EEA1: variants seen among roughly 807,000 people sequenced by gnomAD.
EEA1 encodes the protein early endosome antigen 1, 162kD.
EEA1 carries 111 observed loss-of-function variants against 209.2 expected under a neutral mutation model. The observed-to-expected ratio is 0.53, with a 90% CI of 0.45 to 0.62. The LOEUF (loss-of-function observed/expected upper bound fraction) is 0.62. Ranked by LOEUF, EEA1 falls within the 20% of genes least tolerant of loss-of-function variation. The probability of loss-of-function intolerance (pLI) is 0.00; values close to 1 mark genes in which losing one functional copy is unlikely to be tolerated. For missense variants in EEA1, 1,343 were observed against 1,530.8 expected (o/e 0.88, Z 2.05); for synonymous variants, 536 against 540.6 (o/e 0.99, Z 0.12).
chr12:92,813,776 A>G (rs1378828207), intron 15 of EEA1, among the ~76,000 whole-genome samples: 1 of 152,194 alleles, frequency 6.6e-6, no homozygotes, highest in East Asian at 1.9e-4. Flanking sequence ...GCACTTTGGG[A>G]GGCCAAGGCA....
chr12:92,884,179 G>A, intron 2 of EEA1: 3 of 1,384,296 alleles, frequency 2.2e-6, no homozygotes, highest in Non-Finnish European at 3.0e-6. Flanking sequence ...CTCAAATCAT[G>A]ACTCACTGAG....
chr12:92,801,245 A>AT (rs1288701495), intron 20 of EEA1, among the ~76,000 whole-genome samples: 4 of 151,436 alleles, frequency 2.6e-5, no homozygotes, highest in East Asian at 1.9e-4. Context: ...GCCTTTTAAG[A>AT]TTTTTTTTTC....
At chr12:92,785,487 T>A (rs1874091506) in intron 22 of EEA1, among the ~76,000 whole-genome samples, 2 of 152,138 alleles carry the variant, frequency 1.3e-5, no homozygotes, top group African/African-American at 2.4e-5. Context: ...AGAAAAATAA[T>A]AACTGATAGC....
chr12:92,808,979 CT>C, intron 18 of EEA1, 37 bp downstream of exon 18: 1 of 1,542,724 alleles, frequency 6.5e-7, no homozygotes. Flanking sequence ...AGTTCACAAT[CT>C]TTTCCCTTAA....
chr12:92,859,009 G>A lies in EEA1; in HGVS notation c.246-1524C>T, dbSNP rs1878012769. ...TTCAGTGGCAAAATCCCTTGTTAAA[G>A]GAGGTCTGTGCAGAACGGTTCTTGT... On this transcript the variant is annotated intron_variant, in intron 3 of 28. Coordinates refer to ENST00000322349, the MANE Select transcript of EEA1 (RefSeq NM_003566.4). The A allele has an allele frequency of 8.8e-6, 6 of 683,622 alleles. No homozygotes were observed. In the Admixed American group the frequency reaches 9.5e-5, roughly 11 times the overall value. 42.3% of individuals were successfully genotyped at this position (683,622 alleles called of 1,614,324 possible). A position where few individuals can be genotyped will look rare whatever the true frequency, so the allele number is the denominator to read the frequency against.
intron 22 of EEA1, among the ~76,000 whole-genome samples, chr12:92,784,886 C>T (rs1874059710): frequency 6.6e-6 from 1 of 152,052 alleles, no homozygotes; most frequent in Non-Finnish European, 1.5e-5. Context: ...TTGAAATAGG[C>T]AAATCCCTAA....
intron 2 of EEA1, among the ~76,000 whole-genome samples, chr12:92,888,338 T>C (rs1352611693): frequency 1.3e-5 from 2 of 152,104 alleles, no homozygotes; most frequent in African/African-American, 4.8e-5. Flanking sequence ...GCCAGCACTT[T>C]GGGAGGCCGA....
At chr12:92,835,367 C>G (rs1876870957) in intron 10 of EEA1, 1 of 306,058 alleles carries the variant, frequency 3.3e-6, no homozygotes, top group African/African-American at 2.4e-5. Flanking sequence ...CTAATCCCAC[C>G]TTTCTATATA....
At chr12:92,799,970 C>G (rs796289132) in intron 20 of EEA1, among the ~76,000 whole-genome samples, 3 of 152,074 alleles carry the variant, frequency 2.0e-5, no homozygotes, top group African/African-American at 7.2e-5. Flanking sequence ...CGCCTATAAT[C>G]CCAGCACTTT....
intron 2 of EEA1, among the ~76,000 whole-genome samples, chr12:92,886,929 A>G (rs1382536317): frequency 6.6e-6 from 1 of 151,658 alleles, no homozygotes; most frequent in Non-Finnish European, 1.5e-5. Flanking sequence ...GCCTGGGAGG[A>G]GGAGTTTGCA....
Position 92,778,179 on chromosome 12 carries a change from G to A in EEA1, c.3655C>T (p.His1219Tyr). The change falls in exon 26 of 29, where the codon CAT becomes TAT. Residue 1219 changes from histidine (H) to tyrosine (Y), a missense_variant and splice_region_variant. By Grantham distance (83) the His-to-Tyr change is moderately conservative. Transcript: ENST00000322349. ...ACTTCCTTTTCTTTTATTTCGGAAT[G>A]CTGAAAAAAAGGAAAAGTTGGGGGG... Reference protein sequence around the residue: ...KEFIEKEAKLHSEIKEKEVGM... With the variant: ...KEFIEKEAKLYSEIKEKEVGM... 1.9e-6 allele frequency: 3 copies of A among 1,603,718 alleles called. No homozygotes were observed. The highest frequency in any genetic ancestry group is 2.6e-6 in the Non-Finnish European group (3 of 1,175,056).
At chr12:92,832,004 G>A (rs375050933) in intron 11 of EEA1, among the ~76,000 whole-genome samples, 2,823 of 150,700 alleles carry the variant, frequency 0.019, 97 homozygotes, top group African/African-American at 0.063. Flanking sequence ...GGAGAATGGC[G>A]TGAACCCGGG....
chr12:92,912,031 A>C (rs1306280515), intron 1 of EEA1, among the ~76,000 whole-genome samples: 3 of 152,218 alleles, frequency 2.0e-5, no homozygotes, highest in Non-Finnish European at 4.4e-5. Context: ...TTCTTTACAG[A>C]AAAAATTTCA....
intron 2 of EEA1, among the ~76,000 whole-genome samples, chr12:92,878,289 C>CA (rs975049613): frequency 8.6e-5 from 13 of 151,640 alleles, no homozygotes; most frequent in Admixed American, 7.2e-4. Context: ...AAAACAAAAA[C>CA]AAAAAACAAA....
chr12:92,809,694 CAA>C (rs879808819), intron 17 of EEA1, among the ~76,000 whole-genome samples: 1 of 107,722 alleles, frequency 9.3e-6, no homozygotes. Context: ...GACTCCATCT[CAA>C]AAAAAAAAAA....
rs1004819243 is a variant in EEA1 at position 92,772,571 on chromosome 12, A to G, written c.*3440T>C. 6.6e-6 allele frequency: 1 copy of G among 152,346 alleles called. No homozygotes were observed. 9.4% of individuals were successfully genotyped at this position (152,346 alleles called of 1,614,324 possible). A position where few individuals can be genotyped will look rare whatever the true frequency, so the allele number is the denominator to read the frequency against. ...CATATTAAAAAAAAGCAACAATTCA[A>G]TAAGGATCCTTCCATTGTTCTTTAT... On this transcript the variant is annotated 3_prime_UTR_variant, in exon 29 of 29. Coordinates refer to ENST00000322349, the MANE Select transcript of EEA1 (RefSeq NM_003566.4).
chr12:92,797,497 C>CTG (rs1874708593), intron 21 of EEA1, among the ~76,000 whole-genome samples: 1 of 152,118 alleles, frequency 6.6e-6, no homozygotes. Flanking sequence ...GGAGGGTCAA[C>CTG]TGTACAGGCA....
intron 14 of EEA1, among the ~76,000 whole-genome samples, chr12:92,818,677 T>C (rs541882446): frequency 1.3e-5 from 2 of 152,188 alleles, no homozygotes; most frequent in African/African-American, 4.8e-5. Flanking sequence ...TTGTTTTAAA[T>C]ATTTTCTCAT....
chr12:92,891,811 T>G, intron 1 of EEA1, 90 bp from the exon 2 acceptor site: 1 of 856,376 alleles, frequency 1.2e-6, no homozygotes, highest in Non-Finnish European at 1.8e-6. Context: ...CCTTTTCACA[T>G]AAGAAAAGTA....
Sources: gnomAD v4.1 joint callset for allele counts (sites outside exome capture counted in the v4.1 genomes callset) on GRCh38, gnomAD v4.1.1 for gene constraint, MANE v1.5 for transcripts, NCBI Gene and HGNC (gene_info 2026-07-23, HGNC 2026-07-21) for gene names.